Variants in CNTN4 observed in about 807,000 individuals in gnomAD.
The protein encoded by CNTN4 is contactin 4, also known as contactin-4.
Under a neutral mutation model 122.5 loss-of-function variants are expected in CNTN4, and 77 were observed. The ratio of observed to expected loss-of-function variants is 0.63; its 90% CI spans 0.52 to 0.76. CNTN4 has a LOEUF of 0.76. CNTN4 is among the 30% of genes least tolerant of loss of function. The pLI, the probability that CNTN4 is intolerant of heterozygous loss-of-function variation, is 0.00. For missense variants in CNTN4, 1,256 were observed against 1,259.1 expected (o/e 1.00, Z 0.04); for synonymous variants, 512 against 447.0 (o/e 1.15, Z -1.83).
chr3:2,571,073 A>G (rs140407095), intron 3 of CNTN4, among the ~76,000 whole-genome samples: 1,810 of 151,848 alleles, frequency 0.012, 12 homozygotes, highest in Non-Finnish European at 0.018. Flanking sequence ...TTTTTAACTA[A>G]TTGGAAAATA....
intron 12 of CNTN4, among the ~76,000 whole-genome samples, chr3:2,917,366 G>GACGGAC (rs1304476228): frequency 6.6e-6 from 1 of 152,012 alleles, no homozygotes; most frequent in East Asian, 1.9e-4. Flanking sequence ...CGGAGACGGA[G>GACGGAC]AGGTGTACTT....
chr3:2,927,452 C>G, intron 13 of CNTN4: 1 of 380,504 alleles, frequency 2.6e-6, no homozygotes, highest in South Asian at 2.0e-5. Flanking sequence ...CACTTTCACT[C>G]ACATTTCATT....
intron 6 of CNTN4, among the ~76,000 whole-genome samples, chr3:2,784,812 A>T (rs79193563): frequency 0.024 from 3,610 of 152,258 alleles, 140 homozygotes; most frequent in African/African-American, 0.083. Context: ...ACCTGACCAG[A>T]TGGTTTTAAG....
At chr3:3,027,802 G>A (rs1698855336) in intron 15 of CNTN4, among the ~76,000 whole-genome samples, 2 of 152,172 alleles carry the variant, frequency 1.3e-5, no homozygotes, top group African/African-American at 2.4e-5. Context: ...TAGCCTTTAT[G>A]CCAGAATGGT....
intron 2 of CNTN4, among the ~76,000 whole-genome samples, chr3:2,189,736 A>G (rs1022702103): frequency 5.9e-5 from 5 of 85,090 alleles, no homozygotes; most frequent in Non-Finnish European, 1.4e-4. Flanking sequence ...GTCCATTCCT[A>G]TGTTATTCAT....
At chr3:2,889,811 G>T (rs1432901547) in intron 10 of CNTN4, among the ~76,000 whole-genome samples, 1 of 152,094 alleles carries the variant, frequency 6.6e-6, no homozygotes, top group Non-Finnish European at 1.5e-5. Flanking sequence ...GCAACCAGGG[G>T]TCGGCATACT....
chr3:2,636,134 G>T lies in CNTN4; in HGVS notation c.55+64576G>T, dbSNP rs1042704546. The stretch of plus-strand genomic sequence containing the variant: ...TTCCCTGACAATACTTGTTGTCCCA[G>T]TGATTGGCTTTCTCTGCAGTGAAAA... On this transcript the variant is annotated intron_variant, in intron 4 of 24. Transcript: ENST00000418658. Among the ~76,000 whole-genome samples, 4 of 152,186 alleles carry T rather than the reference G, an allele frequency of 2.6e-5. No homozygotes were observed. In the East Asian group the frequency reaches 7.7e-4, roughly 29 times the overall value.
Position 2,698,984 on chromosome 3 carries a change from T to C in CNTN4, c.56-37231T>C, listed in dbSNP as rs944439469. 1.3e-5 allele frequency among the ~76,000 whole-genome samples: 2 copies of C among 151,730 alleles called. 1 individual carries two copies. Among genetic ancestry groups the C allele is most frequent in the South Asian group, 4.2e-4 (2 of 4,814 alleles). ...GTTGCAGTGAGCCGAGATAGTGCCA[T>C]TGCACTCCAGTGTGGGCGACAAGAG... On this transcript the variant is annotated intron_variant, in intron 4 of 24. Transcript: ENST00000418658.
At chr3:2,565,227 T>C (rs1223427769) in intron 3 of CNTN4, among the ~76,000 whole-genome samples, 1 of 152,158 alleles carries the variant, frequency 6.6e-6, no homozygotes, top group Non-Finnish European at 1.5e-5. Flanking sequence ...CCTTATGTCT[T>C]CCCCTCTTTT....
intron 3 of CNTN4, chr3:2,362,441 G>A (rs919121139): frequency 2.5e-5 from 10 of 394,588 alleles, no homozygotes; most frequent in African/African-American, 8.5e-5. Context: ...CTGGACCATC[G>A]CCTCCCAGCC....
At chr3:2,961,177 C>T (rs2094853217) in intron 13 of CNTN4, among the ~76,000 whole-genome samples, 3 of 137,406 alleles carry the variant, frequency 2.2e-5, no homozygotes, top group African/African-American at 8.1e-5. Context: ...TTGCAGTGAG[C>T]CGAGATTGGA....
intron 3 of CNTN4, among the ~76,000 whole-genome samples, chr3:2,361,929 G>T (rs1400543225): frequency 1.3e-5 from 2 of 152,152 alleles, no homozygotes; most frequent in African/African-American, 4.8e-5. Flanking sequence ...TTTTAATATA[G>T]ATACATGATT....
chr3:2,326,718 G>A (rs2043480021), intron 2 of CNTN4, among the ~76,000 whole-genome samples: 1 of 152,174 alleles, frequency 6.6e-6, no homozygotes, highest in Non-Finnish European at 1.5e-5. Flanking sequence ...AGCAAGAATA[G>A]GAATGGCTGT....
In CNTN4 at chr3:2,218,059, G is replaced by T. The variant is rs528938519; in HGVS notation, c.-145+117420G>T. ...GAGTTTCACAGGATGAGAAAAACAG[G>T]CACGTGAAGATCAAGGGGGAGAGTG... On this transcript the variant is annotated intron_variant, in intron 2 of 24. Transcript: ENST00000418658. Among the ~76,000 whole-genome samples, 15 of 152,236 alleles carry T rather than the reference G, an allele frequency of 9.9e-5. No individual in the cohort carries two copies. In the East Asian group the frequency reaches 2.7e-3, roughly 28 times the overall value.
intron 17 of CNTN4, 47 bp downstream of exon 17, chr3:3,034,837 C>G (rs369777389): frequency 3.2e-6 from 5 of 1,586,634 alleles, no homozygotes; most frequent in African/African-American, 2.7e-5. Context: ...ACTCAGCATA[C>G]TGGACACAGC....
intron 3 of CNTN4, among the ~76,000 whole-genome samples, chr3:2,500,566 C>G (rs2076568783): frequency 6.6e-6 from 1 of 151,900 alleles, no homozygotes; most frequent in African/African-American, 2.4e-5. Flanking sequence ...TTTCTGGTTG[C>G]TTTTTAAGAT....
chr3:2,389,995 C>G (rs1268435964), intron 3 of CNTN4, among the ~76,000 whole-genome samples: 1 of 152,094 alleles, frequency 6.6e-6, no homozygotes, highest in Non-Finnish European at 1.5e-5. Flanking sequence ...TATGAACTAT[C>G]TCAGATTTGC....
At chr3:3,014,641 G>A (rs1185096815) in intron 14 of CNTN4, among the ~76,000 whole-genome samples, 1 of 151,282 alleles carries the variant, frequency 6.6e-6, no homozygotes, top group Non-Finnish European at 1.5e-5. Context: ...GCCGCTCTCT[G>A]CTTGTCTGTC....
intron 13 of CNTN4, among the ~76,000 whole-genome samples, chr3:2,987,807 G>C (rs954244750): frequency 6.6e-6 from 1 of 152,106 alleles, no homozygotes; most frequent in African/African-American, 2.4e-5. Context: ...ACGCTGAGTC[G>C]TGGAATATTT....
Sources: gnomAD v4.1 joint callset for allele counts (sites outside exome capture counted in the v4.1 genomes callset) on GRCh38, gnomAD v4.1.1 for gene constraint, MANE v1.5 for transcripts, NCBI Gene and HGNC (gene_info 2026-07-23, HGNC 2026-07-21) for gene names.